The following PDZRN4 variants were observed in gnomAD, a reference collection of about 807,000 sequenced individuals.
The protein encoded by PDZRN4 is PDZ domain-containing RING finger protein 4.
PDZRN4 carries 70 observed loss-of-function variants against 99.0 expected under a neutral mutation model. The ratio of observed to expected loss-of-function variants is 0.71; its 90% CI spans 0.58 to 0.86. The LOEUF is 0.86. Ranked by LOEUF, PDZRN4 falls within the 40% of genes least tolerant of loss-of-function variation. PDZRN4 has a pLI of 0.00. For synonymous variants in PDZRN4, 551 were observed against 501.6 expected (o/e 1.10, Z -1.32); for missense variants, 1,474 against 1,331.2 (o/e 1.11, Z -1.67).
intron 3 of PDZRN4, among the ~76,000 whole-genome samples, chr12:41,267,747 A>T (rs1455447397): frequency 1.3e-5 from 2 of 151,742 alleles, no homozygotes; most frequent in Non-Finnish European, 2.9e-5. Flanking sequence ...AGGCTGAGGT[A>T]GGAGAATTGC....
At chr12:41,410,725 T>G (rs2120374209) in intron 3 of PDZRN4, among the ~76,000 whole-genome samples, 1 of 152,284 alleles carries the variant, frequency 6.6e-6, no homozygotes. Flanking sequence ...CAGCCTTAAT[T>G]TCCTCATCTT....
chr12:41,439,672 G>A (rs1439006623), intron 3 of PDZRN4, among the ~76,000 whole-genome samples: 1 of 152,036 alleles, frequency 6.6e-6, no homozygotes, highest in Admixed American at 6.6e-5. Flanking sequence ...TAAATCTTGA[G>A]AAAATAGATA....
At chr12:41,281,839 A>T (rs752531266) in intron 3 of PDZRN4, among the ~76,000 whole-genome samples, 9 of 151,548 alleles carry the variant, frequency 5.9e-5, no homozygotes, top group Non-Finnish European at 1.2e-4. Context: ...TTTTGTCACC[A>T]CCAGGCCTGC....
intron 3 of PDZRN4, among the ~76,000 whole-genome samples, chr12:41,441,095 G>A (rs1266903396): frequency 6.6e-6 from 1 of 152,106 alleles, no homozygotes; most frequent in Non-Finnish European, 1.5e-5. Context: ...GGTGATTATT[G>A]ATGGGATGTT....
rs1253837699 is a variant in PDZRN4, at chr12:41,574,685, T to C, written c.*795T>C. The C allele has an allele frequency of 2.0e-5, 3 of 152,280 alleles. No individual in the cohort carries two copies. Among genetic ancestry groups the C allele is most frequent in the Non-Finnish European group, 4.4e-5 (3 of 68,034 alleles). The allele number at this position is 152,280 out of a possible 1,614,324, so 9.4% of individuals were successfully genotyped here. A position where few individuals can be genotyped will look rare whatever the true frequency, so the allele number is the denominator to read the frequency against. ...TTAGAAGACGCCTAATTGTGGATTATAAAATGTGCACATTTTCTATCACTT... is the reference window on the plus strand; with the variant it reads ...TTAGAAGACGCCTAATTGTGGATTACAAAATGTGCACATTTTCTATCACTT... On this transcript the variant is annotated 3_prime_UTR_variant, in exon 10 of 10. Transcript: ENST00000402685.
intron 5 of PDZRN4, among the ~76,000 whole-genome samples, chr12:41,532,026 T>C (rs1335393636): frequency 2.0e-5 from 3 of 152,190 alleles, no homozygotes. Context: ...AAAAAGTAGT[T>C]TCTATTTGTA....
chr12:41,190,966 C>A (rs945277952), intron 1 of PDZRN4, among the ~76,000 whole-genome samples: 1 of 152,072 alleles, frequency 6.6e-6, no homozygotes, highest in African/African-American at 2.4e-5. Context: ...CCTAACAGAT[C>A]CTGCATTACA....
At chr12:41,513,464 A>G (rs1482893097) in intron 5 of PDZRN4, among the ~76,000 whole-genome samples, 1 of 152,104 alleles carries the variant, frequency 6.6e-6, no homozygotes, top group Non-Finnish European at 1.5e-5. Flanking sequence ...TTAAAAAATG[A>G]TGGCACTTGT....
intron 3 of PDZRN4, among the ~76,000 whole-genome samples, chr12:41,435,100 A>G (rs1441558793): frequency 2.0e-5 from 3 of 152,180 alleles, no homozygotes; most frequent in African/African-American, 4.8e-5. Flanking sequence ...AGCATTTGAT[A>G]CATGATTGGA....
intron 5 of PDZRN4, among the ~76,000 whole-genome samples, chr12:41,525,073 A>G (rs1444004477): frequency 6.6e-6 from 1 of 152,090 alleles, no homozygotes; most frequent in African/African-American, 2.4e-5. Context: ...GGTGTGGGGA[A>G]TTAGGAGGCA....
At position 41,241,263 on chromosome 12, in the gene PDZRN4, T is replaced by G. The variant is rs1951100172; in HGVS notation, c.843+47075T>G. Among the ~76,000 whole-genome samples, 9 of 152,352 alleles carry G rather than the reference T, an allele frequency of 5.9e-5. No homozygotes were observed. The South Asian group carries it at 1.9e-3, about 32-fold the overall frequency. On this transcript the variant is annotated intron_variant, in intron 3 of 9. Coordinates refer to ENST00000402685, the MANE Select transcript of PDZRN4 (RefSeq NM_001164595.2). ...CACAAGGTTTCAAATTCTGGATTTTTGGATTATGAATACTCAATCTGTGCA... is the reference window on the plus strand; with the variant it reads ...CACAAGGTTTCAAATTCTGGATTTTGGGATTATGAATACTCAATCTGTGCA...
chr12:41,320,148 C>T (rs989443691), intron 3 of PDZRN4, among the ~76,000 whole-genome samples: 7 of 152,198 alleles, frequency 4.6e-5, no homozygotes, highest in Non-Finnish European at 7.3e-5. Context: ...GCGAGAACAT[C>T]GTTTCAGCAC....
chr12:41,199,546 C>T (rs1353156032), intron 3 of PDZRN4, among the ~76,000 whole-genome samples: 2 of 152,160 alleles, frequency 1.3e-5, no homozygotes, highest in African/African-American at 4.8e-5. Flanking sequence ...ATAAAAAAGA[C>T]ACCTGCAGTT....
chr12:41,264,562 C>A (rs963810506), intron 3 of PDZRN4, among the ~76,000 whole-genome samples: 1 of 152,074 alleles, frequency 6.6e-6, no homozygotes, highest in Non-Finnish European at 1.5e-5. Context: ...AGCATTCTTA[C>A]CAAAAGGAAT....
intron 3 of PDZRN4, among the ~76,000 whole-genome samples, chr12:41,212,549 T>C (rs895128989): frequency 1.9e-4 from 29 of 152,172 alleles, no homozygotes; most frequent in African/African-American, 6.7e-4. Flanking sequence ...TTTAAAATAT[T>C]AATTTTATCA....
At chr12:41,434,660 G>A (rs1952613802) in intron 3 of PDZRN4, among the ~76,000 whole-genome samples, 1 of 151,998 alleles carries the variant, frequency 6.6e-6, no homozygotes, top group Non-Finnish European at 1.5e-5. Flanking sequence ...TATTTTGAAT[G>A]CCAATAAAAT....
intron 3 of PDZRN4, among the ~76,000 whole-genome samples, chr12:41,267,875 A>G (rs1951289457): frequency 1.3e-5 from 2 of 152,110 alleles, no homozygotes; most frequent in South Asian, 2.1e-4. Context: ...AAGGAAGAAG[A>G]AGGTGTGAGT....
rs543023910 is a variant in PDZRN4 at position 41,489,845 on chromosome 12, A to G, written c.844-16611A>G. ...GTTCTGGGCTCTGGTTTCTATTAAT[A>G]CTCAAATCAAATATAGTCATTAGAG... On this transcript the variant is annotated intron_variant, in intron 3 of 9. Transcript: ENST00000402685. Among the ~76,000 whole-genome samples the G allele has an allele frequency of 3.3e-5, 5 of 152,256 alleles. 2 individuals carry two copies. The highest frequency in any genetic ancestry group is 1.2e-4 in the African/African-American group (5 of 41,550).
At chr12:41,249,182 T>C (rs1235696480) in intron 3 of PDZRN4, among the ~76,000 whole-genome samples, 3 of 152,168 alleles carry the variant, frequency 2.0e-5, no homozygotes, top group African/African-American at 7.2e-5. Flanking sequence ...TAAGACTCAA[T>C]GTCTAAACAT....
Sources: allele counts gnomAD v4.1 joint callset (sites outside exome capture counted in the v4.1 genomes callset), GRCh38; gene constraint gnomAD v4.1.1; transcripts MANE v1.5; gene names NCBI Gene and HGNC (gene_info 2026-07-23, HGNC 2026-07-21).